Variants in FBXL7 observed in about 807,000 individuals in gnomAD.
The protein encoded by FBXL7 is F-box/LRR-repeat protein 7.
In FBXL7, 12 loss-of-function variants were observed where a neutral mutation model predicts 38.3. The ratio of observed to expected loss-of-function variants is 0.31; its 90% confidence interval spans 0.20 to 0.51. The LOEUF is 0.51. Among genes scored for constraint, FBXL7 ranks in the 20% least tolerant of loss-of-function variants. The probability of loss-of-function intolerance (pLI) is 0.98; values close to 1 mark genes in which losing one functional copy is unlikely to be tolerated. For synonymous variants in FBXL7, 297 were observed against 300.9 expected, an observed-to-expected ratio of 0.99 and a Z score of 0.13; for missense variants, 567 against 676.4, an observed-to-expected ratio of 0.84 and a Z score of 1.79.
chr5:15,555,895 G>C (rs1738214398), intron 1 of FBXL7, among the ~76,000 whole-genome samples: 1 of 151,774 alleles, frequency 6.6e-6, no homozygotes, highest in Non-Finnish European at 1.5e-5. Flanking sequence ...TAATCTCTAG[G>C]CATTTTAGTC....
intron 1 of FBXL7, among the ~76,000 whole-genome samples, chr5:15,555,970 C>CTAT (rs1738216611): frequency 2.2e-5 from 3 of 134,676 alleles, no homozygotes; most frequent in African/African-American, 8.1e-5. Flanking sequence ...TGTCATCTGT[C>CTAT]TATCATCTAT....
At chr5:15,913,271 T>G (rs9687318) in intron 2 of FBXL7, among the ~76,000 whole-genome samples, 10,970 of 26,118 alleles carry the variant, frequency 0.42, 1,347 homozygotes, top group African/African-American at 0.53. Context: ...TTTTATTAAT[T>G]TTTTTTTTTA....
chr5:15,921,883 ATC>A (rs1741752199), intron 2 of FBXL7, among the ~76,000 whole-genome samples: 1 of 152,174 alleles, frequency 6.6e-6, no homozygotes, highest in Non-Finnish European at 1.5e-5. Flanking sequence ...AACCCTTGGA[ATC>A]TAGATTGTTG....
intron 2 of FBXL7, among the ~76,000 whole-genome samples, chr5:15,759,034 A>T (rs1344170400): frequency 6.6e-6 from 1 of 152,200 alleles, no homozygotes; most frequent in African/African-American, 2.4e-5. Flanking sequence ...AGAGGTTATT[A>T]TACTTTCTTG....
intron 2 of FBXL7, among the ~76,000 whole-genome samples, chr5:15,820,413 A>AC (rs1436959940): frequency 1.3e-5 from 2 of 151,012 alleles, no homozygotes; most frequent in Non-Finnish European, 3.0e-5. Flanking sequence ...CCCCTGTCTT[A>AC]CCCCGCCTTT....
intron 2 of FBXL7, among the ~76,000 whole-genome samples, chr5:15,817,590 G>T (rs1264789957): frequency 2.6e-5 from 4 of 152,114 alleles, no homozygotes; most frequent in African/African-American, 9.7e-5. Context: ...GGTCCCAGTG[G>T]GGGGTAATTG....
chr5:15,749,891 G>T (rs1282845198), intron 2 of FBXL7, among the ~76,000 whole-genome samples: 1 of 152,188 alleles, frequency 6.6e-6, no homozygotes, highest in Non-Finnish European at 1.5e-5. Flanking sequence ...TCCTCATTAG[G>T]CAGATGACAC....
intron 2 of FBXL7, among the ~76,000 whole-genome samples, chr5:15,725,291 C>T (rs1744312537): frequency 6.6e-6 from 1 of 152,110 alleles, no homozygotes; most frequent in South Asian, 2.1e-4. Context: ...TTCCACTTTA[C>T]CACTGCTTTC....
chr5:15,808,621 A>G (rs1487801529), intron 2 of FBXL7, among the ~76,000 whole-genome samples: 1 of 152,174 alleles, frequency 6.6e-6, no homozygotes, highest in Admixed American at 6.6e-5. Context: ...AGATCACATT[A>G]TAGCTTCATA....
At chr5:15,731,708 A>G (rs1293037370) in intron 2 of FBXL7, among the ~76,000 whole-genome samples, 5 of 152,246 alleles carry the variant, frequency 3.3e-5, no homozygotes, top group African/African-American at 4.8e-5. Context: ...GATGTGTCAC[A>G]TAATACATGG....
intron 1 of FBXL7, among the ~76,000 whole-genome samples, chr5:15,521,792 G>A (rs536200567): frequency 3.3e-5 from 5 of 152,336 alleles, no homozygotes; most frequent in South Asian, 2.1e-4. Flanking sequence ...CTTCTCCTGC[G>A]TGTACTTAAC....
intron 2 of FBXL7, among the ~76,000 whole-genome samples, chr5:15,755,405 C>CGT (rs1158100881): frequency 2.0e-5 from 3 of 151,656 alleles, no homozygotes; most frequent in East Asian, 3.9e-4. Context: ...TGTGTGTGTG[C>CGT]GTGTGTGTAT....
At chr5:15,666,353 G>T (rs1742276316) in intron 2 of FBXL7, among the ~76,000 whole-genome samples, 1 of 152,112 alleles carries the variant, frequency 6.6e-6, no homozygotes, top group Non-Finnish European at 1.5e-5. Context: ...CAGTCATAAT[G>T]TGCAATCATC....
chr5:15,735,468 T>C (rs2126668655), intron 2 of FBXL7, among the ~76,000 whole-genome samples: 1 of 152,218 alleles, frequency 6.6e-6, no homozygotes, highest in Non-Finnish European at 1.5e-5. Flanking sequence ...AGCTTAGTCA[T>C]TGGAAGGACA....
chr5:15,938,986 G>A lies in FBXL7; in HGVS notation c.*1800G>A, dbSNP rs191928894. 30 of 399,018 alleles carry A rather than the reference G, an allele frequency of 7.5e-5. No individual in the cohort carries two copies. The East Asian group carries it at 9.6e-4, about 13-fold the overall frequency. The allele number at this position is 399,018 out of a possible 1,614,324, so 24.7% of individuals were successfully genotyped here. A position where few individuals can be genotyped will look rare whatever the true frequency, so the allele number is the denominator to read the frequency against. On this transcript the variant is annotated 3_prime_UTR_variant, in exon 4 of 4. Coordinates refer to ENST00000504595, the MANE Select transcript of FBXL7 (RefSeq NM_012304.5). ...AAATGCAGAACCTCTGCATCTCCAA[G>A]CCAGTTATGCTGAATTTGTCAAACT... is the stretch of plus-strand genomic sequence containing the variant.
At chr5:15,526,813 T>C (rs1000560624) in intron 1 of FBXL7, among the ~76,000 whole-genome samples, 9 of 152,190 alleles carry the variant, frequency 5.9e-5, no homozygotes, top group Admixed American at 1.3e-4. Flanking sequence ...TTTTAGACTG[T>C]TCTGAGCACA....
chr5:15,802,682 C>T (rs1163404381), intron 2 of FBXL7, among the ~76,000 whole-genome samples: 2 of 150,822 alleles, frequency 1.3e-5, no homozygotes, highest in African/African-American at 2.4e-5. Context: ...AAGACAGAGT[C>T]TCATGCTGTT....
intron 2 of FBXL7, among the ~76,000 whole-genome samples, chr5:15,813,299 A>T (rs1044091399): frequency 2.6e-5 from 4 of 152,168 alleles, no homozygotes; most frequent in Non-Finnish European, 4.4e-5. Flanking sequence ...GCTCTTTGAC[A>T]AATCTGACAA....
At chr5:15,839,090 C>CT (rs750320882) in intron 2 of FBXL7, among the ~76,000 whole-genome samples, 127 of 144,398 alleles carry the variant, frequency 8.8e-4, no homozygotes, top group African/African-American at 1.0e-3. Flanking sequence ...GTTGGGTCAT[C>CT]TTTTTTTTTT....
Sources: allele counts gnomAD v4.1 joint callset (sites outside exome capture counted in the v4.1 genomes callset), GRCh38; gene constraint gnomAD v4.1.1; transcripts MANE v1.5; gene names NCBI Gene and HGNC (gene_info 2026-07-23, HGNC 2026-07-21).